Variants in CNNM2 observed in about 807,000 individuals in gnomAD.
The protein encoded by CNNM2 is cyclin and CBS domain divalent metal cation transport mediator 2, also known as metal transporter CNNM2.
In CNNM2, 12 loss-of-function variants were observed where a neutral mutation model predicts 66.9. The ratio of observed to expected loss-of-function variants is 0.18; its 90% confidence interval spans 0.11 to 0.29. The LOEUF (loss-of-function observed/expected upper bound fraction) is 0.29, where lower values mean the gene tolerates loss of function less well. CNNM2 is among the 10% of genes least tolerant of loss of function. CNNM2 has a pLI of 1.00. For synonymous variants in CNNM2, 557 were observed against 501.8 expected, an observed-to-expected ratio of 1.11 and a Z score of -1.47; for missense variants, 705 against 1,167.7, an observed-to-expected ratio of 0.60 and a Z score of 5.77.
At chr10:102,966,464 A>G (rs2063465955) in intron 1 of CNNM2, among the ~76,000 whole-genome samples, 1 of 152,124 alleles carries the variant, frequency 6.6e-6, no homozygotes. Flanking sequence ...CCCCATCTCT[A>G]CTAAATATAC....
chr10:102,930,427 A>C (rs1846025832), intron 1 of CNNM2, among the ~76,000 whole-genome samples: 1 of 152,232 alleles, frequency 6.6e-6, no homozygotes, highest in Non-Finnish European at 1.5e-5. Flanking sequence ...AAATCTGCTA[A>C]GAACATTATG....
intron 1 of CNNM2, among the ~76,000 whole-genome samples, chr10:102,921,382 G>C (rs1845630283): frequency 6.6e-6 from 1 of 152,188 alleles, no homozygotes; most frequent in South Asian, 2.1e-4. Context: ...GTGATGATCT[G>C]AACATACTCA....
At chr10:102,976,100 T>G (rs1390405573) in intron 1 of CNNM2, among the ~76,000 whole-genome samples, 1 of 152,118 alleles carries the variant, frequency 6.6e-6, no homozygotes, top group Non-Finnish European at 1.5e-5. Flanking sequence ...TATAAAGTCA[T>G]TGAGCAGCTG....
At chr10:103,012,865 A>T (rs985279331) in intron 1 of CNNM2, among the ~76,000 whole-genome samples, 2 of 152,152 alleles carry the variant, frequency 1.3e-5, no homozygotes, top group Non-Finnish European at 2.9e-5. Flanking sequence ...CTCCAGTGCT[A>T]TCAAATCTTT....
chr10:103,056,022 C>T (rs565047742), intron 3 of CNNM2, among the ~76,000 whole-genome samples: 11 of 150,124 alleles, frequency 7.3e-5, no homozygotes, highest in South Asian at 2.1e-4. Context: ...CGGGAGGTGG[C>T]GGTTGCAGTG....
intron 1 of CNNM2, among the ~76,000 whole-genome samples, chr10:102,941,147 G>A (rs948035033): frequency 3.9e-5 from 6 of 152,074 alleles, no homozygotes; most frequent in African/African-American, 1.4e-4. Context: ...TTTCTTTATT[G>A]TCTGTTTCAT....
At chr10:102,979,920 AT>A (rs201616013) in intron 1 of CNNM2, among the ~76,000 whole-genome samples, 23 of 146,968 alleles carry the variant, frequency 1.6e-4, no homozygotes, top group East Asian at 2.0e-4. Flanking sequence ...TTTTCTTTTT[AT>A]TTTTTTTTTT....
At chr10:102,967,744 C>G (rs553809009) in intron 1 of CNNM2, among the ~76,000 whole-genome samples, 1 of 152,340 alleles carries the variant, frequency 6.6e-6, no homozygotes, top group South Asian at 2.1e-4. Context: ...CGCGGGAGCT[C>G]ATGCCTGTAA....
chr10:103,040,006 A>C (rs1380802672), intron 1 of CNNM2, among the ~76,000 whole-genome samples: 1 of 152,072 alleles, frequency 6.6e-6, no homozygotes, highest in African/African-American at 2.4e-5. Context: ...GTCTCTACTA[A>C]AAATACAAAA....
chr10:103,023,553 T>A (rs1264663451), intron 1 of CNNM2, among the ~76,000 whole-genome samples: 1 of 151,794 alleles, frequency 6.6e-6, no homozygotes, highest in Non-Finnish European at 1.5e-5. Context: ...TGTTCCCCCC[T>A]CCCCATCCCC....
chr10:103,026,816 A>T (rs912995993), intron 1 of CNNM2, among the ~76,000 whole-genome samples: 1 of 152,082 alleles, frequency 6.6e-6, no homozygotes, highest in African/African-American at 2.4e-5. Flanking sequence ...CAGTTAAGAG[A>T]AGAGTCTAAC....
At chr10:103,048,168 G>C (rs1015641965) in intron 1 of CNNM2, among the ~76,000 whole-genome samples, 1 of 149,266 alleles carries the variant, frequency 6.7e-6, no homozygotes, top group Non-Finnish European at 1.5e-5. Context: ...CAAGTGATCC[G>C]CCTCCCAAAG....
intron 1 of CNNM2, among the ~76,000 whole-genome samples, chr10:103,049,258 G>A (rs2134328850): frequency 6.6e-6 from 1 of 152,288 alleles, no homozygotes; most frequent in East Asian, 1.9e-4. Context: ...GTGCTAAGGT[G>A]CCTTTTCACC....
chr10:103,076,939 G>A (rs750768050), intron 7 of CNNM2, 32 bp from the exon 8 acceptor site: 1 of 1,587,990 alleles, frequency 6.3e-7, no homozygotes, highest in Non-Finnish European at 8.6e-7. Context: ...GCATTATCTT[G>A]GTTTGTTTTC....
intron 1 of CNNM2, among the ~76,000 whole-genome samples, chr10:102,929,462 A>G (rs912857763): frequency 6.6e-6 from 1 of 152,006 alleles, no homozygotes; most frequent in African/African-American, 2.4e-5. Flanking sequence ...AAAAAAAAAA[A>G]AGTGACTAGT....
intron 1 of CNNM2, among the ~76,000 whole-genome samples, chr10:102,959,030 C>G (rs1373824464): frequency 1.3e-5 from 2 of 152,070 alleles, no homozygotes; most frequent in Admixed American, 6.6e-5. Context: ...TCACTGCAGC[C>G]TCAACCTCCT....
At chr10:102,961,300 G>A (rs1208167674) in intron 1 of CNNM2, among the ~76,000 whole-genome samples, 6 of 152,124 alleles carry the variant, frequency 3.9e-5, no homozygotes, top group East Asian at 1.9e-4. Flanking sequence ...GTAATGTATC[G>A]TTGAGTAATT....
In CNNM2 at chr10:103,086,479, G is replaced by A. The variant is rs951745286; in HGVS notation, c.*9299G>A. 2.0e-5 allele frequency: 3 copies of A among 152,142 alleles called. No homozygotes were observed. Among genetic ancestry groups the A allele is most frequent in the South Asian group, 4.1e-4 (2 of 4,834 alleles). The allele number at this position is 152,142 out of a possible 1,614,324, so 9.4% of individuals were successfully genotyped here. ...AATATGTAGTTGTCTCAGGCTATTC[G>A]TGGTGAATAAGCAGAGTATTTATTT... On this transcript the variant is annotated 3_prime_UTR_variant, in exon 8 of 8. Coordinates refer to ENST00000369878, the MANE Select transcript of CNNM2 (RefSeq NM_017649.5).
At chr10:102,958,587 C>T (rs536842254) in intron 1 of CNNM2, among the ~76,000 whole-genome samples, 1 of 148,450 alleles carries the variant, frequency 6.7e-6, no homozygotes, top group East Asian at 2.1e-4. Flanking sequence ...TCTCCTGCCT[C>T]AGCCTCCTGA....
Sources: gnomAD v4.1 joint callset for allele counts (sites outside exome capture counted in the v4.1 genomes callset) on GRCh38, gnomAD v4.1.1 for gene constraint, MANE v1.5 for transcripts, NCBI Gene and HGNC (gene_info 2026-07-23, HGNC 2026-07-21) for gene names.